PGGHG: variants seen among roughly 807,000 people sequenced by gnomAD.
PGGHG encodes protein-glucosylgalactosylhydroxylysine glucosidase.
In PGGHG, 67 loss-of-function variants were observed where a neutral mutation model predicts 74.5. The ratio of observed to expected loss-of-function variants is 0.90; its 90% CI spans 0.74 to 1.10. The LOEUF is 1.10. PGGHG is among the 50% of genes least tolerant of loss of function. PGGHG has a pLI of 0.00. For synonymous variants in PGGHG, 496 were observed against 419.9 expected (o/e 1.18, Z -2.21); for missense variants, 1,034 against 981.5 (o/e 1.05, Z -0.72).
At chr11:290,284 G>T (rs1845678605) in intron 2 of PGGHG, 106 bp from the exon 3 acceptor site, 2 of 1,388,368 alleles carry the variant, frequency 1.4e-6, no homozygotes, top group African/African-American at 2.9e-5. Context: ...CGAGGGCCCA[G>T]AGGGATCCGC....
chr11:291,164 T>C (rs1011848300), intron 4 of PGGHG, 51 bp downstream of exon 4: 14 of 1,507,410 alleles, frequency 9.3e-6, no homozygotes, highest in Non-Finnish European at 1.2e-5. Flanking sequence ...CACATGGAGG[T>C]CCACGGTCTC....
chr11:289,876 C>T lies in PGGHG; in HGVS notation c.60C>T (p.Pro20=), dbSNP rs1469476795. 7 of 1,551,074 alleles carry T rather than the reference C, an allele frequency of 4.5e-6. No individual in the cohort carries two copies. In the African/African-American group the frequency reaches 5.5e-5, roughly 12 times the overall value. ...CTGCCCACTCTCTGCCCAGTGACCC[C>T]CGTCTCTTGGCCACTGTGACCAACG... ...TFAAHSLPSD[P]RLLATVTNAY... Residue 20 remains proline (P), a synonymous_variant, in exon 2 of 14, where the codon CCC becomes CCT. Coordinates refer to ENST00000409548, the MANE Select transcript of PGGHG (RefSeq NM_025092.5). The surrounding 1 kb of genome is among the most constrained non-coding windows in gnomAD (Gnocchi z 5.6).
chr11:294,975 C>A lies in PGGHG; in HGVS notation c.*226C>A. On this transcript the variant is annotated 3_prime_UTR_variant, in exon 14 of 14. Transcript: ENST00000409548. ...CCGTGGCATCTCCACACCGCCTCTG[C>A]CTGCCCCTGTGGACTGATGCTATCG... is the stretch of plus-strand genomic sequence containing the variant. The A allele has an allele frequency of 1.9e-6, 1 of 523,094 alleles. No individual in the cohort carries two copies. The highest frequency in any genetic ancestry group is 3.4e-5 in the Admixed American group (1 of 29,292). 32.4% of individuals were successfully genotyped at this position (523,094 alleles called of 1,614,324 possible). A position where few individuals can be genotyped will look rare whatever the true frequency, so the allele number is the denominator to read the frequency against.
In PGGHG at chr11:293,149, A is replaced by G. The variant is rs755345955; in HGVS notation, c.1271-14A>G. The G allele has an allele frequency of 5.0e-6, 8 of 1,613,766 alleles. No individual in the cohort carries two copies. The highest frequency in any genetic ancestry group is 1.3e-5 in the African/African-American group (1 of 74,980). Reference sequence around the variant, plus strand: ...GACTCTGCACTGAGCACCATCTTGGACTTGTGTGTCCAGGAGTCATGTCCC... The same window carrying G: ...GACTCTGCACTGAGCACCATCTTGGGCTTGTGTGTCCAGGAGTCATGTCCC... On this transcript the variant is annotated splice_polypyrimidine_tract_variant and intron_variant, in intron 7 of 13. Coordinates refer to ENST00000409548, the MANE Select transcript of PGGHG (RefSeq NM_025092.5).
In PGGHG at chr11:290,573, A is replaced by C; in HGVS notation, c.443A>C (p.His148Pro). The change falls in exon 3 of 14, where the codon CAT (histidine) becomes CCT (proline). Residue 148 changes from histidine to proline, a missense_variant. His to Pro is a moderately conservative substitution (Grantham distance 77). Coordinates refer to ENST00000409548, the MANE Select transcript of PGGHG (RefSeq NM_025092.5). The stretch of plus-strand genomic sequence containing the variant: ...CCAGAAAGCCCAGACCTGGACCTGC[A>C]TCAGGGTCCTGACTTCCAGGGAGCC... ...FSPESPDLDL[H>P]QGPDFQGARY... 1 of 1,553,820 alleles carries C rather than the reference A, an allele frequency of 6.4e-7. No individual in the cohort carries two copies. The highest frequency in any genetic ancestry group is 1.2e-5 in the South Asian group (1 of 84,678).
intron 2 of PGGHG, 35 bp from the exon 3 acceptor site, chr11:290,355 T>C (rs1278038906): frequency 2.0e-6 from 3 of 1,530,858 alleles, no homozygotes; most frequent in South Asian, 2.4e-5. Context: ...GGCCATAGCT[T>C]GGCAACCCAC....
At position 289,979 on chromosome 11, in the gene PGGHG, C is replaced by A; in HGVS notation, c.163C>A (p.Arg55=). Residue 55 remains arginine (R), a synonymous_variant, in exon 2 of 14, where the codon CGG becomes AGG. Transcript: ENST00000409548. This position sits in a 1 kb window ranked among gnomAD's most constrained non-coding sequence, Gnocchi z 5.6. The part of the protein sequence containing the change: ...VYNGAGGDTH[R]AMLPSPLNVR... ...CAATGGGGCTGGCGGGGACACGCAC[C>A]GGGCCATGCTGCCCAGCCCCCTCAA... 1 of 1,549,634 alleles carries A rather than the reference C, an allele frequency of 6.5e-7. No individual in the cohort carries two copies. Among genetic ancestry groups the A allele is most frequent in the Non-Finnish European group, 8.7e-7 (1 of 1,146,870 alleles).
In PGGHG at chr11:289,936, G is replaced by A; in HGVS notation, c.120G>A (p.Leu40=). The A allele has an allele frequency of 6.4e-7, 1 of 1,550,794 alleles. No individual in the cohort carries two copies. The highest frequency in any genetic ancestry group is 1.2e-5 in the South Asian group (1 of 84,068). ...GCACACGAGTGTTTCACGACACGCT[G>A]CACGTGAGCGGCGTGTACAATGGGG... ...YLGTRVFHDT[L]HVSGVYNGAG... The change falls in exon 2 of 14, where the codon CTG becomes CTA. Residue 40 remains leucine, a synonymous_variant. Transcript: ENST00000409548. This position sits in a 1 kb window ranked among gnomAD's most constrained non-coding sequence, Gnocchi z 5.6.
Position 289,771 on chromosome 11 carries a change from C to T in PGGHG, c.-13-33C>T. The T allele has an allele frequency of 6.6e-7, 1 of 1,523,574 alleles. No individual in the cohort carries two copies. Among genetic ancestry groups the T allele is most frequent in the Non-Finnish European group, 8.8e-7 (1 of 1,132,798 alleles). 94.4% of individuals were successfully genotyped at this position (1,523,574 alleles called of 1,614,324 possible). A position where few individuals can be genotyped will look rare whatever the true frequency, so the allele number is the denominator to read the frequency against. On this transcript the variant is annotated intron_variant, in intron 1 of 13. Coordinates refer to ENST00000409548, the MANE Select transcript of PGGHG (RefSeq NM_025092.5). The surrounding 1 kb of genome is among the most constrained non-coding windows in gnomAD (Gnocchi z 5.6). ...TCTCAAGAGGGAGGCCCAGCCAGTC[C>T]CGCGGCCCCTGACACCCCATCAGGC...
chr11:292,151 A>C (rs1590286625), intron 5 of PGGHG, 56 bp downstream of exon 5: 1 of 1,481,384 alleles, frequency 6.8e-7, no homozygotes, highest in Non-Finnish European at 8.9e-7. Context: ...CAGCCCCCAC[A>C]CCCCTCCCAG....
rs765777592 is a variant in PGGHG, at chr11:290,003, A to G, written c.187A>G (p.Asn63Asp). The part of the protein sequence containing the change: ...THRAMLPSPL[N>D]VRLEAPAGMG... ...CCGGGCCATGCTGCCCAGCCCCCTCAACGTCCGGCTGGAGGCCCCTGCAGG... is the reference window on the plus strand; with the variant it reads ...CCGGGCCATGCTGCCCAGCCCCCTCGACGTCCGGCTGGAGGCCCCTGCAGG... The change falls in exon 2 of 14, where the codon AAC (asparagine) becomes GAC (aspartate). Residue 63 changes from asparagine (N) to aspartate (D), a missense_variant. Transcript: ENST00000409548. 2.6e-6 allele frequency: 4 copies of G among 1,548,124 alleles called. No individual in the cohort carries two copies. Among genetic ancestry groups the G allele is most frequent in the Non-Finnish European group, 3.5e-6 (4 of 1,146,784 alleles).
At chr11:290,363 C>G (rs1318790867) in intron 2 of PGGHG, 27 bp from the exon 3 acceptor site, 1 of 1,534,984 alleles carries the variant, frequency 6.5e-7, no homozygotes, top group Non-Finnish European at 8.7e-7. Flanking sequence ...CTTGGCAACC[C>G]ACCTGCCTTC....
chr11:294,330 C>T lies in PGGHG; in HGVS notation c.1872C>T (p.Val624=). ...TGTCGGGGATCTCCAGAGTGAGCGT[C>T]TCCGGCATCTTCTACCAGGGGAACA... ...VCLSGISRVS[V]SGIFYQGNKL... Residue 624 remains valine, a synonymous_variant, in exon 13 of 14, where the codon GTC becomes GTT. Transcript: ENST00000409548. 1 of 1,613,096 alleles carries T rather than the reference C, an allele frequency of 6.2e-7. No individual in the cohort carries two copies. Among genetic ancestry groups the T allele is most frequent in the Non-Finnish European group, 8.5e-7 (1 of 1,179,922 alleles).
At chr11:290,153 A>G (rs879483200) in intron 2 of PGGHG, 78 bp downstream of exon 2, 3 of 1,460,566 alleles carry the variant, frequency 2.1e-6, no homozygotes, top group Admixed American at 4.7e-5. Context: ...ATCGAATCCC[A>G]CCAGCACCTC....
Position 290,997 on chromosome 11 carries a change from C to T in PGGHG, c.790C>T (p.Leu264Phe), listed in dbSNP as rs1209619471. The stretch of plus-strand genomic sequence containing the variant: ...CCTGCGTGGCTCCCTCTACTACCTG[C>T]TCAGTGCCCTGCCCCAGCCCAAGGC... ...QALRGSLYYLLSALPQPKAPG... is the reference protein window; with the variant it reads ...QALRGSLYYLFSALPQPKAPG... Residue 264 changes from leucine (L) to phenylalanine (F), a missense_variant, in exon 4 of 14, where the codon CTC becomes TTC. Transcript: ENST00000409548. The T allele has an allele frequency of 1.2e-6, 2 of 1,612,752 alleles. No homozygotes were observed. The highest frequency in any genetic ancestry group is 1.7e-6 in the Non-Finnish European group (2 of 1,179,990).
Position 290,790 on chromosome 11 carries a change from G to C in PGGHG, c.583G>C (p.Ala195Pro). Residue 195 changes from alanine to proline, a missense_variant, in exon 4 of 14, where the codon GCT becomes CCT. Ala to Pro is a conservative substitution (Grantham distance 27). Coordinates refer to ENST00000409548, the MANE Select transcript of PGGHG (RefSeq NM_025092.5). ...PDLTLGEGEE[A>P]RTWDFLTAVG... ...CCTGACCCTTGGGGAAGGTGAGGAG[G>C]CTAGGACGTGGGACTTCCTGACAGC... 1.9e-6 allele frequency: 3 copies of C among 1,612,730 alleles called. No homozygotes were observed. The highest frequency in any genetic ancestry group is 2.5e-6 in the Non-Finnish European group (3 of 1,179,904).
Position 293,900 on chromosome 11 carries a change from T to A in PGGHG, c.1685T>A (p.Phe562Tyr). The change falls in exon 11 of 14, where the codon TTT (phenylalanine) becomes TAT (tyrosine). Residue 562 changes from phenylalanine (F) to tyrosine (Y), a missense_variant. Physicochemically the swap from Phe to Tyr is conservative, Grantham distance 22. Coordinates refer to ENST00000409548, the MANE Select transcript of PGGHG (RefSeq NM_025092.5). Reference protein sequence around the residue: ...VRARGLLDRSFANMAEPFKVW... With the variant: ...VRARGLLDRSYANMAEPFKVW... ...GCCCGGGGCCTCCTGGACAGGAGCT[T>A]TGCCAACATGGCTGAACCCTTCAAG... is the stretch of plus-strand genomic sequence containing the variant. 6.2e-7 allele frequency: 1 copy of A among 1,613,264 alleles called. No homozygotes were observed. Among genetic ancestry groups the A allele is most frequent in the Non-Finnish European group, 8.5e-7 (1 of 1,179,850 alleles).
rs145342416 is a variant in PGGHG at position 290,913 on chromosome 11, G to A, written c.706G>A (p.Ala236Thr). The A allele has an allele frequency of 1.6e-4, 254 of 1,612,342 alleles. No homozygotes were observed. In the African/African-American group the frequency reaches 3.0e-3, roughly 19 times the overall value. The change falls in exon 4 of 14, where the codon GCC becomes ACC. Residue 236 changes from alanine (A) to threonine (T), a missense_variant. Transcript: ENST00000409548. ...GTATACGGCTCACGCACAGGCCTGG[G>A]CCCAGCTCTGGGTAGAATGTGGCTT... Reference protein sequence around the residue: ...ALYTAHAQAWAQLWVECGLDV... With the variant: ...ALYTAHAQAWTQLWVECGLDV...
rs1845832998 is a variant in PGGHG at position 294,877 on chromosome 11, CTGCTTGGCCTGAGT to C, written c.*130_*143del. The C allele has an allele frequency of 8.6e-7, 1 of 1,163,844 alleles. No homozygotes were observed. Among genetic ancestry groups the C allele is most frequent in the South Asian group, 1.7e-5 (1 of 60,196 alleles). The allele number at this position is 1,163,844 out of a possible 1,614,324, so 72.1% of individuals were successfully genotyped here. On this transcript the variant is annotated 3_prime_UTR_variant, in exon 14 of 14. Transcript: ENST00000409548. ...GCCAGGCTCTCAGGGAAGGTCCATG[CTGCTTGGCCTGAGT>C]TCAAGGCTTTCTGCCTGTAGCCTGG...
Sources: gnomAD v4.1 joint callset for allele counts on GRCh38, gnomAD v4.1.1 for gene constraint, Gnocchi (gnomAD v3.1) non-coding constraint, MANE v1.5 for transcripts, NCBI Gene and HGNC (gene_info 2026-07-23, HGNC 2026-07-21) for gene names.